GLRA1: variants seen among roughly 807,000 people sequenced by gnomAD.
The protein encoded by GLRA1 is glycine receptor alpha 1.
GLRA1 carries 37 observed loss-of-function variants against 48.3 expected under a neutral mutation model. The observed-to-expected ratio is 0.77, with a 90% confidence interval of 0.59 to 1.01. The LOEUF is 1.01. Ranked by LOEUF, GLRA1 falls within the 50% of genes least tolerant of loss-of-function variation. The pLI, the probability that GLRA1 is intolerant of heterozygous loss-of-function variation, is 0.00. For synonymous variants in GLRA1, 196 were observed against 210.7 expected, an observed-to-expected ratio of 0.93 and a Z score of 0.60; for missense variants, 427 against 571.0, an observed-to-expected ratio of 0.75 and a Z score of 2.57.
intron 1 of GLRA1, among the ~76,000 whole-genome samples, chr5:151,903,506 T>C (rs1182519704): frequency 6.6e-6 from 1 of 152,162 alleles, no homozygotes; most frequent in East Asian, 1.9e-4. Context: ...CTATGCTCAG[T>C]GGGGTGGAAC....
intron 3 of GLRA1, among the ~76,000 whole-genome samples, chr5:151,880,578 G>T (rs1170561916): frequency 2.8e-5 from 4 of 145,214 alleles, no homozygotes; most frequent in Non-Finnish European, 4.5e-5. Context: ...CATGCCCAAA[G>T]GATGTCAACA....
At chr5:151,878,788 C>T (rs983358595) in intron 3 of GLRA1, among the ~76,000 whole-genome samples, 3 of 152,218 alleles carry the variant, frequency 2.0e-5, no homozygotes, top group Admixed American at 1.3e-4. Flanking sequence ...AGTTTGGTAA[C>T]CTCTGCCTAG....
intron 3 of GLRA1, among the ~76,000 whole-genome samples, chr5:151,872,962 T>C (rs1275089784): frequency 6.7e-6 from 1 of 149,694 alleles, no homozygotes; most frequent in Non-Finnish European, 1.5e-5. Context: ...GAAAGGGGAC[T>C]AGTATGGTGT....
intron 7 of GLRA1, among the ~76,000 whole-genome samples, chr5:151,841,662 A>T (rs1034022197): frequency 2.0e-5 from 3 of 152,222 alleles, no homozygotes; most frequent in Non-Finnish European, 4.4e-5. Context: ...TTGACTTTAC[A>T]GAAATAAAAA....
At chr5:151,918,384 T>C (rs1754789108) in intron 1 of GLRA1, among the ~76,000 whole-genome samples, 1 of 152,234 alleles carries the variant, frequency 6.6e-6, no homozygotes, top group Non-Finnish European at 1.5e-5. Context: ...GCCTTGTCCG[T>C]GGACAAGTGC....
intron 4 of GLRA1, among the ~76,000 whole-genome samples, chr5:151,857,259 A>C (rs894101402): frequency 1.3e-5 from 2 of 152,212 alleles, no homozygotes; most frequent in African/African-American, 4.8e-5. Context: ...CATGTTTATT[A>C]AATAATTATG....
intron 3 of GLRA1, among the ~76,000 whole-genome samples, chr5:151,872,732 T>C (rs1022611506): frequency 6.7e-6 from 1 of 149,952 alleles, no homozygotes; most frequent in African/African-American, 2.5e-5. Flanking sequence ...AAACATAGTA[T>C]AATTTTGTCA....
intron 1 of GLRA1, among the ~76,000 whole-genome samples, chr5:151,906,467 G>A (rs1028672997): frequency 6.6e-6 from 1 of 152,086 alleles, no homozygotes; most frequent in Non-Finnish European, 1.5e-5. Context: ...TAACAGGCTG[G>A]AGCAGGTCCA....
rs536832809 is a variant in GLRA1, at chr5:151,874,719, G to T, written c.252+12002C>A. On this transcript the variant is annotated intron_variant, in intron 3 of 8. Coordinates refer to ENST00000274576, the MANE Select transcript of GLRA1 (RefSeq NM_000171.4). ...GGAAGAGAGGGATATTTTTAGGTAGGGGGGTGGAGAAGGACTCCCTGAAGC... is the reference window on the plus strand; with the variant it reads ...GGAAGAGAGGGATATTTTTAGGTAGTGGGGTGGAGAAGGACTCCCTGAAGC... Among the ~76,000 whole-genome samples, 4 of 152,248 alleles carry T rather than the reference G, an allele frequency of 2.6e-5. No individual in the cohort carries two copies. The South Asian group carries it at 8.3e-4, about 32-fold the overall frequency.
At chr5:151,904,057 A>C (rs1263512599) in intron 1 of GLRA1, among the ~76,000 whole-genome samples, 1 of 152,182 alleles carries the variant, frequency 6.6e-6, no homozygotes, top group African/African-American at 2.4e-5. Flanking sequence ...TAGAAGGAAT[A>C]TTTACTTAGG....
chr5:151,897,421 T>C (rs774149523), intron 1 of GLRA1, among the ~76,000 whole-genome samples: 2 of 152,150 alleles, frequency 1.3e-5, no homozygotes, highest in African/African-American at 2.4e-5. Flanking sequence ...GTTAAAATTT[T>C]CTGAACCTTA....
At chr5:151,840,301 G>A (rs1455752496) in intron 7 of GLRA1, among the ~76,000 whole-genome samples, 1 of 152,040 alleles carries the variant, frequency 6.6e-6, no homozygotes, top group Non-Finnish European at 1.5e-5. Flanking sequence ...ATTTCACCAT[G>A]TTGCTCAGGC....
rs1312300070 is a variant in GLRA1, at chr5:151,846,841, A to G, written c.912+4549T>C. ...TAGATGATATTATTGAATTATTTCA[A>G]ATTGAATTATTTCTAACTCAATAAT... is the stretch of plus-strand genomic sequence containing the variant. On this transcript the variant is annotated intron_variant, in intron 7 of 8. Transcript: ENST00000274576. 3.9e-5 allele frequency among the ~76,000 whole-genome samples: 6 copies of G among 152,232 alleles called. No homozygotes were observed. The East Asian group carries it at 1.2e-3, about 29-fold the overall frequency.
At chr5:151,849,959 A>G (rs1752856724) in intron 7 of GLRA1, 1 of 1,586,872 alleles carries the variant, frequency 6.3e-7, no homozygotes, top group Non-Finnish European at 8.6e-7. Flanking sequence ...GGACCCTACA[A>G]GCTGGTGTTC....
intron 1 of GLRA1, among the ~76,000 whole-genome samples, chr5:151,893,403 AC>A (rs1754149761): frequency 6.7e-6 from 1 of 150,330 alleles, no homozygotes; most frequent in African/African-American, 2.5e-5. Flanking sequence ...CAGGTTTGTT[AC>A]ATAGGTATAC....
intron 8 of GLRA1, among the ~76,000 whole-genome samples, chr5:151,828,349 G>GTGCACATCA (rs1444139435): frequency 6.6e-6 from 1 of 152,196 alleles, no homozygotes; most frequent in African/African-American, 2.4e-5. Context: ...TCTTTGGTCA[G>GTGCACATCA]TGCACAACCT....
Position 151,828,935 on chromosome 5 carries a change from G to T in GLRA1, c.1045C>A (p.Arg349=), listed in dbSNP as rs752071816. The T allele has an allele frequency of 6.8e-6, 11 of 1,613,794 alleles. No homozygotes were observed. The highest frequency in any genetic ancestry group is 3.3e-5 in the Admixed American group (2 of 59,990). Reference sequence around the variant, plus strand: ...CAAAGGCCTACCTTGTGATGTCTCCGCTTCCTCCTGAATCGGAGCAGCTCC... The same window carrying T: ...CAAAGGCCTACCTTGTGATGTCTCCTCTTCCTCCTGAATCGGAGCAGCTCC... The part of the protein sequence containing the change: ...HKELLRFRRK[R]RHHKEDEAGE... The change falls in exon 8 of 9, where the codon CGG becomes AGG. Residue 349 remains arginine (R), a synonymous_variant. Coordinates refer to ENST00000274576, the MANE Select transcript of GLRA1 (RefSeq NM_000171.4).
chr5:151,835,993 TTAAA>T (rs572030290), intron 7 of GLRA1, among the ~76,000 whole-genome samples: 373 of 152,292 alleles, frequency 2.4e-3, no homozygotes, highest in Middle Eastern at 6.8e-3. Flanking sequence ...TAAAAGGTAT[TTAAA>T]TAGGAAGAGA....
At chr5:151,852,669 C>G (rs1235916393) in intron 6 of GLRA1, among the ~76,000 whole-genome samples, 1 of 152,196 alleles carries the variant, frequency 6.6e-6, no homozygotes, top group East Asian at 1.9e-4. Flanking sequence ...GAGTTCAGCT[C>G]TAACTTAAAT....
Sources: allele counts gnomAD v4.1 joint callset (sites outside exome capture counted in the v4.1 genomes callset), GRCh38; gene constraint gnomAD v4.1.1; transcripts MANE v1.5; gene names NCBI Gene and HGNC (gene_info 2026-07-23, HGNC 2026-07-21).